RBM47: variants seen among roughly 807,000 people sequenced by gnomAD.
The protein encoded by RBM47 is RNA-binding protein 47.
A neutral mutation model predicts 47.1 loss-of-function variants in RBM47; 21 were observed. The observed-to-expected ratio is 0.45, with a 90% CI of 0.32 to 0.64. The LOEUF is 0.64. Among genes scored for constraint, RBM47 ranks in the 30% least tolerant of loss-of-function variants. The pLI is 0.05. For missense variants in RBM47, 708 were observed against 870.9 expected (o/e 0.81, Z 2.35); for synonymous variants, 375 against 361.7 (o/e 1.04, Z -0.42).
intron 1 of RBM47, among the ~76,000 whole-genome samples, chr4:40,547,171 G>A (rs1333997944): frequency 1.3e-5 from 2 of 152,202 alleles, no homozygotes; most frequent in Non-Finnish European, 2.9e-5. Context: ...CAGTACTAGA[G>A]AGTTCATGTC....
At chr4:40,492,775 CTGTG>C (rs4035484) in intron 2 of RBM47, among the ~76,000 whole-genome samples, 42 of 150,094 alleles carry the variant, frequency 2.8e-4, no homozygotes, top group South Asian at 4.2e-4. Flanking sequence ...CCATCATGAC[CTGTG>C]TGTGTGTGTG....
At chr4:40,600,430 T>G (rs376859852) in intron 1 of RBM47, among the ~76,000 whole-genome samples, 13 of 149,642 alleles carry the variant, frequency 8.7e-5, no homozygotes, top group Non-Finnish European at 1.9e-4. Context: ...GTCAGGAGAT[T>G]GAGACCATGC....
intron 2 of RBM47, among the ~76,000 whole-genome samples, chr4:40,501,856 T>C (rs1723418911): frequency 6.6e-6 from 1 of 152,216 alleles, no homozygotes; most frequent in Admixed American, 6.5e-5. Context: ...AGTCAACAGA[T>C]GCTCAGATAA....
intron 1 of RBM47, among the ~76,000 whole-genome samples, chr4:40,571,042 C>T (rs1731654077): frequency 6.6e-6 from 1 of 152,118 alleles, no homozygotes; most frequent in Admixed American, 6.5e-5. Context: ...AAGGTGAAAT[C>T]CCGTCTCTAC....
chr4:40,569,449 G>T (rs1006583234), intron 1 of RBM47, among the ~76,000 whole-genome samples: 2 of 146,932 alleles, frequency 1.4e-5, no homozygotes, highest in African/African-American at 2.6e-5. Flanking sequence ...TGGCTCTGTC[G>T]CCCAGGCTGG....
At chr4:40,624,134 A>G (rs1737518439) in intron 1 of RBM47, among the ~76,000 whole-genome samples, 1 of 152,198 alleles carries the variant, frequency 6.6e-6, no homozygotes, top group Non-Finnish European at 1.5e-5. Flanking sequence ...TTACGGTGTG[A>G]GTGACCAAGC....
intron 1 of RBM47, among the ~76,000 whole-genome samples, chr4:40,559,342 G>A (rs1013782629): frequency 3.9e-5 from 6 of 152,182 alleles, no homozygotes; most frequent in Admixed American, 2.6e-4. Context: ...CACAGAATAC[G>A]ATATGGCTAG....
At chr4:40,584,148 G>A (rs964064124) in intron 1 of RBM47, among the ~76,000 whole-genome samples, 1 of 152,080 alleles carries the variant, frequency 6.6e-6, no homozygotes, top group African/African-American at 2.4e-5. Flanking sequence ...GTTTTTTATA[G>A]AGATGGAGTT....
intron 1 of RBM47, among the ~76,000 whole-genome samples, chr4:40,581,155 C>T (rs1426003726): frequency 6.6e-6 from 1 of 152,098 alleles, no homozygotes; most frequent in Non-Finnish European, 1.5e-5. Context: ...GGCACGGTGG[C>T]TCAGGCCTAT....
At chr4:40,464,890 CAAAAAAAAA>C (rs71646997) in intron 3 of RBM47, among the ~76,000 whole-genome samples, 5 of 32,096 alleles carry the variant, frequency 1.6e-4, no homozygotes, top group East Asian at 1.8e-3. Context: ...GACTCTGTCT[CAAAAAAAAA>C]AAAAAAAAAA....
intron 1 of RBM47, among the ~76,000 whole-genome samples, chr4:40,618,808 CAA>C (rs35543412): frequency 0.027 from 741 of 27,514 alleles, 3 homozygotes; most frequent in African/African-American, 0.089. Flanking sequence ...GACTCCATCT[CAA>C]AAAAAAAAAA....
At chr4:40,459,028 T>C (rs888222960) in intron 3 of RBM47, among the ~76,000 whole-genome samples, 1 of 152,206 alleles carries the variant, frequency 6.6e-6, no homozygotes, top group Non-Finnish European at 1.5e-5. Flanking sequence ...CTATTAGAAA[T>C]GAGACCATCT....
At chr4:40,613,870 G>A (rs1736452714) in intron 1 of RBM47, among the ~76,000 whole-genome samples, 1 of 151,528 alleles carries the variant, frequency 6.6e-6, no homozygotes. Context: ...CTCAGCCTCA[G>A]CCCTATGGAC....
At chr4:40,603,135 G>C (rs1735433780) in intron 1 of RBM47, among the ~76,000 whole-genome samples, 1 of 152,138 alleles carries the variant, frequency 6.6e-6, no homozygotes, top group Admixed American at 6.6e-5. Flanking sequence ...CCCACCAAAG[G>C]TTGACTGCTC....
At chr4:40,540,847 G>A (rs1045933789) in intron 2 of RBM47, among the ~76,000 whole-genome samples, 1 of 150,378 alleles carries the variant, frequency 6.6e-6, no homozygotes, top group Non-Finnish European at 1.5e-5. Context: ...ATTTTGCCAG[G>A]AATTTTTCCA....
chr4:40,426,143 C>G lies in RBM47; in HGVS notation c.1543G>C (p.Gly515Arg). 1 of 1,613,328 alleles carries G rather than the reference C, an allele frequency of 6.2e-7. No individual in the cohort carries two copies. Among genetic ancestry groups the G allele is most frequent in the Non-Finnish European group, 8.5e-7 (1 of 1,179,578 alleles). ...GTGTATACTGGAGTTATTGGGCGGCCCTGAGGAGAAGAGACAAAAAGGAGC... is the reference window on the plus strand; with the variant it reads ...GTGTATACTGGAGTTATTGGGCGGCGCTGAGGAGAAGAGACAAAAAGGAGC... ...PTVSTPPPFQGRPITPVYTVA... is the reference protein window; with the variant it reads ...PTVSTPPPFQRRPITPVYTVA... Residue 515 changes from glycine (G) to arginine (R), a missense_variant and splice_region_variant, in exon 7 of 7, where the codon GGC becomes CGC. Gly to Arg is a moderately radical substitution (Grantham distance 125). Transcript: ENST00000295971.
intron 3 of RBM47, among the ~76,000 whole-genome samples, chr4:40,443,524 C>A (rs1713999300): frequency 6.6e-6 from 1 of 151,710 alleles, no homozygotes; most frequent in Admixed American, 6.6e-5. Flanking sequence ...TCGAGACCAG[C>A]CTGACCAACA....
intron 1 of RBM47, among the ~76,000 whole-genome samples, chr4:40,596,737 T>C (rs1042047778): frequency 6.6e-6 from 1 of 152,042 alleles, no homozygotes. Flanking sequence ...ACACACCATA[T>C]GTAGCACAGG....
chr4:40,547,755 A>C (rs1437571005), intron 1 of RBM47, among the ~76,000 whole-genome samples: 4 of 152,228 alleles, frequency 2.6e-5, no homozygotes, highest in Non-Finnish European at 5.9e-5. Flanking sequence ...AAAAAACTTA[A>C]AATACTATGA....
Sources: gnomAD v4.1 joint callset for allele counts (sites outside exome capture counted in the v4.1 genomes callset) on GRCh38, gnomAD v4.1.1 for gene constraint, MANE v1.5 for transcripts, NCBI Gene and HGNC (gene_info 2026-07-23, HGNC 2026-07-21) for gene names.